Variants in SPATA17 observed in about 807,000 individuals in gnomAD.
SPATA17 encodes the protein spermatogenesis associated 17.
Under a neutral mutation model 62.2 loss-of-function variants are expected in SPATA17, and 53 were observed. The ratio of observed to expected loss-of-function variants is 0.85; its 90% CI spans 0.68 to 1.07. The LOEUF is 1.07. Among genes scored for constraint, SPATA17 ranks in the 50% least tolerant of loss-of-function variants. SPATA17 has a pLI of 0.00. For missense variants in SPATA17, 466 were observed against 425.5 expected (o/e 1.10, Z -0.84); for synonymous variants, 146 against 146.8 (o/e 0.99, Z 0.04).
rs764891290 is a variant in SPATA17 at position 217,774,404 on chromosome 1, A to G, written c.590A>G (p.Lys197Arg). The change falls in exon 7 of 11, where the codon AAG (lysine) becomes AGG (arginine). Residue 197 changes from lysine (K) to arginine (R), a missense_variant. Lys to Arg is a conservative substitution (Grantham distance 26). Transcript: ENST00000366933. ...DPWELQLQKA[K>R]PLTHRRPKVK... Reference sequence around the variant, plus strand: ...TGGGAGCTGCAATTACAGAAGGCAAAGCCTTTAACACACCGAAGACCTAAA... The same window carrying G: ...TGGGAGCTGCAATTACAGAAGGCAAGGCCTTTAACACACCGAAGACCTAAA... 6.2e-7 allele frequency: 1 copy of G among 1,613,992 alleles called. No homozygotes were observed. The highest frequency in any genetic ancestry group is 8.5e-7 in the Non-Finnish European group (1 of 1,179,886).
intron 4 of SPATA17, among the ~76,000 whole-genome samples, chr1:217,674,131 T>G (rs1670893903): frequency 6.6e-6 from 1 of 152,150 alleles, no homozygotes; most frequent in Non-Finnish European, 1.5e-5. Flanking sequence ...TTCTGAAACT[T>G]ATTCCCTGAG....
At position 217,838,371 on chromosome 1, in the gene SPATA17, A is replaced by G. The variant is rs544684674; in HGVS notation, c.1006-24403A>G. On this transcript the variant is annotated intron_variant, in intron 9 of 10. Transcript: ENST00000366933. Reference sequence around the variant, plus strand: ...CTTTTGCCCTCTAGTGTTGTAGAGAACTTGAAAATACCACCAGTTTCTTCA... The same window carrying G: ...CTTTTGCCCTCTAGTGTTGTAGAGAGCTTGAAAATACCACCAGTTTCTTCA... 4.6e-5 allele frequency among the ~76,000 whole-genome samples: 7 copies of G among 152,184 alleles called. No homozygotes were observed. The South Asian group carries it at 1.4e-3, about 32-fold the overall frequency.
chr1:217,849,284 A>G (rs576401113), intron 9 of SPATA17, among the ~76,000 whole-genome samples: 1 of 152,236 alleles, frequency 6.6e-6, no homozygotes, highest in Admixed American at 6.5e-5. Flanking sequence ...TTTACTGTAG[A>G]AGTGACTTTC....
chr1:217,787,558 A>C (rs1673899899), intron 8 of SPATA17, among the ~76,000 whole-genome samples: 1 of 152,190 alleles, frequency 6.6e-6, no homozygotes, highest in Non-Finnish European at 1.5e-5. Context: ...ATTTAAAAAA[A>C]TAAAGAAGAA....
At chr1:217,701,558 T>C (rs1169495673) in intron 5 of SPATA17, among the ~76,000 whole-genome samples, 1 of 151,698 alleles carries the variant, frequency 6.6e-6, no homozygotes, top group Non-Finnish European at 1.5e-5. Context: ...GCTAATTTTT[T>C]GTATTTTTAG....
At chr1:217,724,754 T>G (rs1672223053) in intron 5 of SPATA17, among the ~76,000 whole-genome samples, 1 of 152,166 alleles carries the variant, frequency 6.6e-6, no homozygotes. Flanking sequence ...AATTTTTGAA[T>G]TTTATTAATT....
rs914482324 is a variant in SPATA17, at chr1:217,834,031, A to C, written c.1006-28743A>C. Among the ~76,000 whole-genome samples, 15 of 152,142 alleles carry C rather than the reference A, an allele frequency of 9.9e-5. No homozygotes were observed. The East Asian group carries it at 2.7e-3, about 27-fold the overall frequency. On this transcript the variant is annotated intron_variant, in intron 9 of 10. Transcript: ENST00000366933. ...GAAGCTAAAGTTAAGAAATATTGTC[A>C]CCCGCCACATAATGACGTTTCAGTC...
At chr1:217,702,241 T>C (rs1229636034) in intron 5 of SPATA17, among the ~76,000 whole-genome samples, 1 of 152,174 alleles carries the variant, frequency 6.6e-6, no homozygotes, top group Non-Finnish European at 1.5e-5. Context: ...TTAATTGCCA[T>C]ATTTTATTGA....
chr1:217,765,754 G>A (rs956121566), intron 6 of SPATA17, among the ~76,000 whole-genome samples: 20 of 152,088 alleles, frequency 1.3e-4, no homozygotes, highest in Non-Finnish European at 2.2e-4. Flanking sequence ...TGATAGAGAG[G>A]TGTTGAATTC....
intron 5 of SPATA17, among the ~76,000 whole-genome samples, chr1:217,696,478 G>T (rs1193192995): frequency 6.6e-6 from 1 of 152,230 alleles, no homozygotes. Flanking sequence ...CACGCTGGGA[G>T]CTGTAGACCA....
intron 3 of SPATA17, among the ~76,000 whole-genome samples, chr1:217,665,951 T>C (rs1670684741): frequency 6.6e-6 from 1 of 152,220 alleles, no homozygotes; most frequent in Non-Finnish European, 1.5e-5. Context: ...CCAGGAATTC[T>C]TCCTATCCTA....
chr1:217,704,568 T>A (rs1354241087), intron 5 of SPATA17, among the ~76,000 whole-genome samples: 1 of 152,138 alleles, frequency 6.6e-6, no homozygotes, highest in Non-Finnish European at 1.5e-5. Context: ...TACCTTTAAG[T>A]GGTCTCTGAA....
chr1:217,641,009 A>G (rs1353619088), intron 1 of SPATA17, among the ~76,000 whole-genome samples: 2 of 152,118 alleles, frequency 1.3e-5, no homozygotes, highest in Non-Finnish European at 2.9e-5. Context: ...AGCATCGGTT[A>G]ATCAGGTACT....
intron 5 of SPATA17, among the ~76,000 whole-genome samples, chr1:217,716,772 A>G (rs1672014106): frequency 6.6e-6 from 1 of 152,264 alleles, no homozygotes. Context: ...ATACAGGTGA[A>G]CAAATTTAGA....
intron 9 of SPATA17, among the ~76,000 whole-genome samples, chr1:217,810,140 A>G (rs537969994): frequency 1.1e-3 from 173 of 152,304 alleles, no homozygotes; most frequent in Middle Eastern, 3.4e-3. Flanking sequence ...TTCACTTCAT[A>G]TATTCTGAGG....
chr1:217,801,692 G>C, intron 8 of SPATA17, 26 bp from the exon 9 acceptor site: 8 of 1,572,758 alleles, frequency 5.1e-6, no homozygotes, highest in Non-Finnish European at 6.9e-6. Context: ...ATCAAGTTAA[G>C]AATAGCTCTT....
At chr1:217,667,048 C>CTTT (rs1191694917) in intron 3 of SPATA17, among the ~76,000 whole-genome samples, 26 of 115,520 alleles carry the variant, frequency 2.3e-4, no homozygotes, top group Non-Finnish European at 3.0e-4. Flanking sequence ...TTTTTTTTTT[C>CTTT]TTTTTTTTTT....
chr1:217,635,117 G>A (rs1341434005), intron 1 of SPATA17, among the ~76,000 whole-genome samples: 3 of 152,080 alleles, frequency 2.0e-5, no homozygotes, highest in Admixed American at 6.5e-5. Flanking sequence ...CATCAAATCT[G>A]TCAAATTCTA....
chr1:217,720,258 T>C (rs565095554), intron 5 of SPATA17, among the ~76,000 whole-genome samples: 1 of 152,292 alleles, frequency 6.6e-6, no homozygotes, highest in African/African-American at 2.4e-5. Context: ...GCTAAAAAAT[T>C]GGTGACTGAC....
Sources: gnomAD v4.1 joint callset for allele counts (sites outside exome capture counted in the v4.1 genomes callset) on GRCh38, gnomAD v4.1.1 for gene constraint, MANE v1.5 for transcripts, NCBI Gene and HGNC (gene_info 2026-07-23, HGNC 2026-07-21) for gene names.